Variants in PCDH15 observed in about 807,000 individuals in gnomAD.
PCDH15 encodes the protein protocadherin-15.
In PCDH15, 129 loss-of-function variants were observed where a neutral mutation model predicts 178.5. That is an observed-to-expected ratio of 0.72 (90% confidence interval 0.63 to 0.84). The LOEUF (loss-of-function observed/expected upper bound fraction) is 0.84. Among genes scored for constraint, PCDH15 ranks in the 40% least tolerant of loss-of-function variants. The probability of loss-of-function intolerance (pLI) is 0.00; values close to 1 mark genes in which losing one functional copy is unlikely to be tolerated. For synonymous variants in PCDH15, 800 were observed against 732.0 expected (o/e 1.09, Z -1.50); for missense variants, 2,230 against 2,099.9 (o/e 1.06, Z -1.21).
At chr10:53,977,709 T>G (rs907785989) in intron 21 of PCDH15, among the ~76,000 whole-genome samples, 2 of 152,198 alleles carry the variant, frequency 1.3e-5, no homozygotes, top group Non-Finnish European at 2.9e-5. Context: ...AAATCTCATC[T>G]GAGACACAGC....
intron 1 of PCDH15, among the ~76,000 whole-genome samples, chr10:55,188,824 T>C (rs1304346200): frequency 2.0e-5 from 3 of 151,904 alleles, no homozygotes; most frequent in Non-Finnish European, 4.4e-5. Context: ...ATGTAAATAT[T>C]TCCCCAGAAT....
chr10:55,495,880 T>C (rs1281218878), intron 2 of PCDH15, among the ~76,000 whole-genome samples: 3 of 151,904 alleles, frequency 2.0e-5, no homozygotes, highest in Non-Finnish European at 2.9e-5. Flanking sequence ...ACTAACCATA[T>C]AATGGAATCT....
chr10:53,898,651 A>G (rs185844332), intron 26 of PCDH15, among the ~76,000 whole-genome samples: 178 of 152,330 alleles, frequency 1.2e-3, no homozygotes, highest in Non-Finnish European at 5.7e-4. Context: ...CCAGAAATCA[A>G]GTATCTACAT....
At chr10:54,164,580 T>C (rs1028201469) in intron 13 of PCDH15, among the ~76,000 whole-genome samples, 7 of 152,148 alleles carry the variant, frequency 4.6e-5, no homozygotes, top group Non-Finnish European at 1.0e-4. Context: ...GTTAAAGAAA[T>C]ATCAGAACAG....
intron 3 of PCDH15, among the ~76,000 whole-genome samples, chr10:54,891,073 C>A (rs1056102445): frequency 6.6e-6 from 1 of 151,846 alleles, no homozygotes; most frequent in Admixed American, 6.6e-5. Flanking sequence ...CTTTTGACAC[C>A]GATGCACCAT....
chr10:54,828,850 G>A (rs1407577730), intron 3 of PCDH15, among the ~76,000 whole-genome samples: 1 of 151,958 alleles, frequency 6.6e-6, no homozygotes, highest in Admixed American at 6.6e-5. Flanking sequence ...AGCCAGAAGT[G>A]TTATTTTAGA....
chr10:55,436,762 G>A (rs1247298930), intron 2 of PCDH15, among the ~76,000 whole-genome samples: 4 of 152,168 alleles, frequency 2.6e-5, no homozygotes, highest in African/African-American at 9.6e-5. Context: ...TTTAAAAACT[G>A]AAATTTCTTT....
At chr10:55,210,914 C>A (rs1314991861) in intron 1 of PCDH15, among the ~76,000 whole-genome samples, 3 of 151,984 alleles carry the variant, frequency 2.0e-5, no homozygotes, top group Admixed American at 6.6e-5. Context: ...GCGTGAACCA[C>A]CGTGTCCGGT....
At chr10:54,313,555 C>G (rs1007856377) in intron 8 of PCDH15, among the ~76,000 whole-genome samples, 1 of 152,092 alleles carries the variant, frequency 6.6e-6, no homozygotes, top group Non-Finnish European at 1.5e-5. Context: ...CAGAAAAAAC[C>G]TGCTATCAAT....
intron 22 of PCDH15, among the ~76,000 whole-genome samples, chr10:53,960,089 G>T (rs1412214242): frequency 6.6e-6 from 1 of 152,008 alleles, no homozygotes; most frequent in Admixed American, 6.6e-5. Flanking sequence ...AATACTCAAA[G>T]AAGTAACTAA....
At chr10:55,272,449 G>C (rs1023964700) in intron 1 of PCDH15, among the ~76,000 whole-genome samples, 1 of 150,756 alleles carries the variant, frequency 6.6e-6, no homozygotes, top group Non-Finnish European at 1.5e-5. Context: ...CTGTCACCCA[G>C]GCTGTAGTGC....
chr10:55,552,172 G>A (rs535919338), intron 2 of PCDH15, among the ~76,000 whole-genome samples: 22 of 151,714 alleles, frequency 1.5e-4, no homozygotes, highest in Non-Finnish European at 3.1e-4. Context: ...TTGCCTTCTG[G>A]AATTACTCAT....
chr10:54,545,108 G>A (rs865794133), intron 2 of PCDH15, among the ~76,000 whole-genome samples: 1 of 151,948 alleles, frequency 6.6e-6, no homozygotes, highest in African/African-American at 2.4e-5. Context: ...GAATGTGTGG[G>A]AAAAAAAGAC....
chr10:54,004,453 T>G (rs2092309187), intron 20 of PCDH15, among the ~76,000 whole-genome samples: 1 of 146,086 alleles, frequency 6.8e-6, no homozygotes, highest in African/African-American at 2.6e-5. Context: ...ACTGATAAAT[T>G]TAGTAAAGTT....
chr10:55,011,273 G>A (rs761467853), intron 2 of PCDH15, among the ~76,000 whole-genome samples: 3 of 152,020 alleles, frequency 2.0e-5, no homozygotes, highest in Non-Finnish European at 4.4e-5. Context: ...TGAGATTTCA[G>A]ACATAAAGAA....
rs564557824 is a variant in PCDH15, at chr10:54,954,130, A to G, written c.-79-56630T>C. Among the ~76,000 whole-genome samples the G allele has an allele frequency of 4.6e-4, 69 of 151,400 alleles. No homozygotes were observed. The South Asian group carries it at 0.014, about 31-fold the overall frequency. ...GTTTAAAATCTCTGAATCGTGTCCT[A>G]TCATCTAAAGGATAAAATAATAGAA... is the stretch of plus-strand genomic sequence containing the variant. On this transcript the variant is annotated intron_variant, in intron 2 of 5. Coordinates refer to the PCDH15 transcript ENST00000458638.
At chr10:54,956,311 G>T (rs1254505536) in intron 2 of PCDH15, among the ~76,000 whole-genome samples, 6 of 151,348 alleles carry the variant, frequency 4.0e-5, no homozygotes, top group Admixed American at 4.0e-4. Flanking sequence ...CACATATTTT[G>T]AGAATATACT....
At chr10:53,972,268 A>G (rs1198153316) in intron 21 of PCDH15, among the ~76,000 whole-genome samples, 7 of 85,158 alleles carry the variant, frequency 8.2e-5, no homozygotes, top group African/African-American at 2.6e-4. Flanking sequence ...CCTTCCTTAC[A>G]CCTTATACAA....
Position 55,299,403 on chromosome 10 carries a change from C to T in PCDH15, c.-156+20196G>A, listed in dbSNP as rs187691164. 2.0e-5 allele frequency among the ~76,000 whole-genome samples: 3 copies of T among 152,226 alleles called. No homozygotes were observed. The East Asian group carries it at 5.8e-4, about 29-fold the overall frequency. On this transcript the variant is annotated intron_variant, in intron 1 of 5. Coordinates refer to the PCDH15 transcript ENST00000458638. Reference sequence around the variant, plus strand: ...CCTCTTGCAGATGAGAGTGAACTCCCCACATCTTACGTTATAAGCCTATTT... The same window carrying T: ...CCTCTTGCAGATGAGAGTGAACTCCTCACATCTTACGTTATAAGCCTATTT...
Sources: allele counts gnomAD v4.1 joint callset (sites outside exome capture counted in the v4.1 genomes callset), GRCh38; gene constraint gnomAD v4.1.1; transcripts MANE v1.5; gene names NCBI Gene and HGNC (gene_info 2026-07-23, HGNC 2026-07-21).